XKR9: variants seen among roughly 807,000 people sequenced by gnomAD.
XKR9 encodes the protein XK-related protein 9.
In XKR9, 32 loss-of-function variants were observed where a neutral mutation model predicts 32.0. The observed-to-expected ratio is 1.00, with a 90% CI of 0.76 to 1.34. The LOEUF (loss-of-function observed/expected upper bound fraction) is 1.34, where lower values mean the gene tolerates loss of function less well. Among genes scored for constraint, XKR9 ranks in the 40% most tolerant of loss-of-function variants. The pLI is 0.00. For missense variants in XKR9, 546 were observed against 429.7 expected (o/e 1.27, Z -2.39); for synonymous variants, 168 against 143.4 (o/e 1.17, Z -1.22).
At chr8:70,858,493 G>A in the XKR9 span, among the ~76,000 whole-genome samples, 1 of 151,298 alleles carries the variant, frequency 6.6e-6, no homozygotes, top group Admixed American at 6.6e-5. Context: ...ATTCTTCACA[G>A]AAATAGAAAA....
the XKR9 span, among the ~76,000 whole-genome samples, chr8:70,813,897 G>C: frequency 0.011 from 1,608 of 152,276 alleles, 14 homozygotes; most frequent in Non-Finnish European, 0.018. Context: ...ATTCCTCAGG[G>C]ATCTAGAACT....
At chr8:70,683,309 A>G (rs1819147924) in intron 3 of XKR9, among the ~76,000 whole-genome samples, 3 of 152,220 alleles carry the variant, frequency 2.0e-5, no homozygotes, top group African/African-American at 7.2e-5. Flanking sequence ...TATGCTCCCA[A>G]CTAATATATT....
chr8:70,747,561 G>C (rs1471319621), intron 2 of XKR9, among the ~76,000 whole-genome samples: 1 of 152,140 alleles, frequency 6.6e-6, no homozygotes, highest in Non-Finnish European at 1.5e-5. Context: ...CCAGCAAGAA[G>C]GGTCTCACCA....
the XKR9 span, among the ~76,000 whole-genome samples, chr8:70,850,023 C>T: frequency 3.9e-5 from 6 of 152,070 alleles, no homozygotes; most frequent in Non-Finnish European, 7.4e-5. Flanking sequence ...GATTCACAAC[C>T]GAATTCTACC....
chr8:70,941,171 G>A, the XKR9 span, among the ~76,000 whole-genome samples: 1 of 151,030 alleles, frequency 6.6e-6, no homozygotes, highest in South Asian at 2.1e-4. Context: ...CTGTCTTTTG[G>A]GATTTACATA....
the XKR9 span, among the ~76,000 whole-genome samples, chr8:70,935,120 T>TAC: frequency 1.4e-4 from 18 of 128,242 alleles, no homozygotes; most frequent in African/African-American, 3.3e-4. Context: ...TATATATATA[T>TAC]ACACACACAC....
intron 2 of XKR9, among the ~76,000 whole-genome samples, chr8:70,758,333 G>A (rs1807258953): frequency 6.6e-6 from 1 of 152,116 alleles, no homozygotes; most frequent in Non-Finnish European, 1.5e-5. Flanking sequence ...ATAATTGCCA[G>A]ACTATTGCTC....
At chr8:70,710,292 A>G (rs1162519874) in intron 4 of XKR9, among the ~76,000 whole-genome samples, 1 of 152,208 alleles carries the variant, frequency 6.6e-6, no homozygotes, top group East Asian at 1.9e-4. Context: ...AAATCAACTC[A>G]AGATGGATTA....
At chr8:70,953,081 T>C in the XKR9 span, among the ~76,000 whole-genome samples, 1 of 152,186 alleles carries the variant, frequency 6.6e-6, no homozygotes, top group Non-Finnish European at 1.5e-5. Flanking sequence ...AAAAATAAAT[T>C]AGTCCTCAGC....
At chr8:70,842,745 C>CTTTG in the XKR9 span, among the ~76,000 whole-genome samples, 1 of 152,172 alleles carries the variant, frequency 6.6e-6, no homozygotes, top group African/African-American at 2.4e-5. Flanking sequence ...CCAACATTAC[C>CTTTG]TTTGCATTGG....
At chr8:70,713,100 A>G (rs969719711) in intron 4 of XKR9, among the ~76,000 whole-genome samples, 7 of 152,196 alleles carry the variant, frequency 4.6e-5, no homozygotes, top group African/African-American at 1.2e-4. Flanking sequence ...AAATGAGTTT[A>G]TATTTGAAAA....
chr8:70,822,786 C>T, the XKR9 span, among the ~76,000 whole-genome samples: 1 of 151,950 alleles, frequency 6.6e-6, no homozygotes, highest in East Asian at 1.9e-4. Context: ...GCAAACAGAG[C>T]AGACTCTCCC....
At chr8:70,759,675 C>T (rs1402386166) in intron 2 of XKR9, among the ~76,000 whole-genome samples, 1 of 152,086 alleles carries the variant, frequency 6.6e-6, no homozygotes, top group Non-Finnish European at 1.5e-5. Flanking sequence ...ATTCCATGGA[C>T]TTGTTTTAAT....
At chr8:70,972,400 T>G in the XKR9 span, among the ~76,000 whole-genome samples, 1 of 152,164 alleles carries the variant, frequency 6.6e-6, no homozygotes, top group Non-Finnish European at 1.5e-5. Context: ...TACAATTATA[T>G]AATCAGCAGA....
intron 1 of XKR9, among the ~76,000 whole-genome samples, chr8:70,671,184 G>C (rs1183433700): frequency 1.3e-5 from 2 of 152,168 alleles, no homozygotes; most frequent in East Asian, 3.8e-4. Context: ...AGGATTGCAG[G>C]CTTGAGCCAC....
At chr8:70,810,755 G>A in the XKR9 span, among the ~76,000 whole-genome samples, 6 of 152,122 alleles carry the variant, frequency 3.9e-5, no homozygotes, top group Non-Finnish European at 8.8e-5. Flanking sequence ...CTAAATATAT[G>A]TGCACACAAT....
downstream of XKR9, among the ~76,000 whole-genome samples, chr8:70,740,222 C>A (rs1469478948): frequency 1.3e-5 from 2 of 152,148 alleles, no homozygotes; most frequent in Non-Finnish European, 1.5e-5. Flanking sequence ...TTCATTTCAT[C>A]TTCCATCACT....
At chr8:70,845,454 A>G in the XKR9 span, among the ~76,000 whole-genome samples, 1 of 152,234 alleles carries the variant, frequency 6.6e-6, no homozygotes, top group Admixed American at 6.5e-5. Flanking sequence ...AAAGAAATTT[A>G]TAAAAATGTG....
chr8:70,779,647 A>G (rs1807588081), intron 2 of XKR9, among the ~76,000 whole-genome samples: 1 of 152,146 alleles, frequency 6.6e-6, no homozygotes, highest in Non-Finnish European at 1.5e-5. Context: ...TTGTTGGTCT[A>G]TTCAGAGATT....
Sources: gnomAD v4.1 joint callset for allele counts (sites outside exome capture counted in the v4.1 genomes callset) on GRCh38, gnomAD v4.1.1 for gene constraint, MANE v1.5 for transcripts, NCBI Gene and HGNC (gene_info 2026-07-23, HGNC 2026-07-21) for gene names.